Variants in GABRG3 observed in about 807,000 individuals in gnomAD.
GABRG3 encodes gamma-aminobutyric acid receptor subunit gamma-3.
Under a neutral mutation model 48.8 loss-of-function variants are expected in GABRG3, and 25 were observed. That is an observed-to-expected ratio of 0.51 (90% CI 0.37 to 0.72). The LOEUF (loss-of-function observed/expected upper bound fraction) is 0.72, where lower values mean the gene tolerates loss of function less well. GABRG3 is among the 30% of genes least tolerant of loss of function. GABRG3 has a pLI of 0.00. For missense variants in GABRG3, 394 were observed against 577.9 expected (o/e 0.68, Z 3.26); for synonymous variants, 227 against 217.6 (o/e 1.04, Z -0.38).
At chr15:27,089,057 C>T (rs1449504931) in intron 3 of GABRG3, among the ~76,000 whole-genome samples, 2 of 152,080 alleles carry the variant, frequency 1.3e-5, no homozygotes, top group Non-Finnish European at 2.9e-5. Context: ...AGCAGAATGT[C>T]GGTTCTTAAG....
Position 27,179,684 on chromosome 15 carries a change from A to G in GABRG3, c.271-147125A>G, listed in dbSNP as rs1303427696. Among the ~76,000 whole-genome samples, 1 of 152,190 alleles carries G rather than the reference A, an allele frequency of 6.6e-6. No individual in the cohort carries two copies. On this transcript the variant is annotated intron_variant, in intron 3 of 9. Coordinates refer to ENST00000615808, the MANE Select transcript of GABRG3 (RefSeq NM_033223.5). This position sits in a 1 kb window ranked among gnomAD's most constrained non-coding sequence, Gnocchi z 4.0. ...GGGGGTCCATTCATCTTGTATCTTCAGAAGTTTTGTTTGATTCTCTATTTG... is the reference window on the plus strand; with the variant it reads ...GGGGGTCCATTCATCTTGTATCTTCGGAAGTTTTGTTTGATTCTCTATTTG...
chr15:27,209,987 C>T (rs1028400865), intron 3 of GABRG3, among the ~76,000 whole-genome samples: 1 of 152,194 alleles, frequency 6.6e-6, no homozygotes, highest in African/African-American at 2.4e-5. Context: ...TCAGGGCCCA[C>T]CCTGATGACC....
chr15:27,214,710 G>A (rs1435168348), intron 3 of GABRG3, among the ~76,000 whole-genome samples: 1 of 108,288 alleles, frequency 9.2e-6, no homozygotes, highest in African/African-American at 3.9e-5. Context: ...TTTTTTTTTT[G>A]GTAGGAAGCT....
intron 2 of GABRG3, among the ~76,000 whole-genome samples, chr15:27,012,534 T>C (rs895877217): frequency 6.6e-6 from 1 of 152,176 alleles, no homozygotes; most frequent in African/African-American, 2.4e-5. Flanking sequence ...GCATTATATA[T>C]GTATTCTCTT....
intron 3 of GABRG3, among the ~76,000 whole-genome samples, chr15:27,317,633 G>A (rs1380385507): frequency 6.6e-6 from 1 of 152,166 alleles, no homozygotes; most frequent in Non-Finnish European, 1.5e-5. Context: ...TCAGTCTGAG[G>A]GTAAAACGTG....
At chr15:27,417,455 G>C (rs1209947938) in intron 5 of GABRG3, among the ~76,000 whole-genome samples, 1 of 152,090 alleles carries the variant, frequency 6.6e-6, no homozygotes, top group Admixed American at 6.5e-5. Context: ...AGCTTTGGCT[G>C]GGTGCTGGGT....
intron 2 of GABRG3, among the ~76,000 whole-genome samples, chr15:26,977,885 T>C (rs1257331211): frequency 6.6e-6 from 1 of 152,220 alleles, no homozygotes; most frequent in Non-Finnish European, 1.5e-5. Context: ...TTTAATTGCT[T>C]AAGGAACCGT....
chr15:27,303,708 CAT>C (rs1430124141), intron 3 of GABRG3, among the ~76,000 whole-genome samples: 3 of 150,248 alleles, frequency 2.0e-5, no homozygotes, highest in African/African-American at 4.9e-5. Flanking sequence ...TATATATATC[CAT>C]GTGTGTGGAT....
intron 7 of GABRG3, among the ~76,000 whole-genome samples, chr15:27,524,843 G>A (rs1321073677): frequency 6.6e-6 from 1 of 151,954 alleles, no homozygotes; most frequent in African/African-American, 2.4e-5. Flanking sequence ...TATAAAATGG[G>A]ATAGTTACAT....
At chr15:26,988,890 G>C (rs563228245) in intron 2 of GABRG3, among the ~76,000 whole-genome samples, 1 of 151,920 alleles carries the variant, frequency 6.6e-6, no homozygotes. Flanking sequence ...TTTTTATTTT[G>C]CCTGTGTGAA....
At chr15:27,159,662 A>C (rs1246895729) in intron 3 of GABRG3, among the ~76,000 whole-genome samples, 1 of 151,940 alleles carries the variant, frequency 6.6e-6, no homozygotes, top group Non-Finnish European at 1.5e-5. Flanking sequence ...CCTGTCTTAC[A>C]CTCTACCCAT....
chr15:27,523,438 G>T (rs183379725), intron 7 of GABRG3, among the ~76,000 whole-genome samples: 1 of 151,612 alleles, frequency 6.6e-6, no homozygotes, highest in East Asian at 1.9e-4. Flanking sequence ...CTACTTTAAA[G>T]ATTTTCTATA....
chr15:27,304,794 C>T (rs1019810906), intron 3 of GABRG3, among the ~76,000 whole-genome samples: 5 of 151,898 alleles, frequency 3.3e-5, no homozygotes, highest in African/African-American at 4.8e-5. Context: ...ATAATGTATT[C>T]AGATTCCAGG....
At chr15:27,141,918 C>T (rs1898111093) in intron 3 of GABRG3, among the ~76,000 whole-genome samples, 1 of 152,054 alleles carries the variant, frequency 6.6e-6, no homozygotes, top group South Asian at 2.1e-4. Context: ...TTTGCCATTG[C>T]TTTCTGTCTT....
At chr15:27,150,903 G>A (rs1442666552) in intron 3 of GABRG3, among the ~76,000 whole-genome samples, 1 of 152,182 alleles carries the variant, frequency 6.6e-6, no homozygotes, top group Non-Finnish European at 1.5e-5. Flanking sequence ...TTCAGAGGGA[G>A]GAGTTCAGCA....
intron 3 of GABRG3, among the ~76,000 whole-genome samples, chr15:27,317,748 C>A (rs577439599): frequency 6.6e-6 from 1 of 152,226 alleles, no homozygotes; most frequent in Non-Finnish European, 1.5e-5. Context: ...AAAAATCAAA[C>A]CTTTTGGAGC....
intron 3 of GABRG3, among the ~76,000 whole-genome samples, chr15:27,288,924 T>G (rs1891709450): frequency 6.6e-6 from 1 of 152,206 alleles, no homozygotes; most frequent in Admixed American, 6.5e-5. Flanking sequence ...TTACACTAAC[T>G]TTAGAAGGAT....
At chr15:27,171,940 G>C (rs940944571) in intron 3 of GABRG3, among the ~76,000 whole-genome samples, 1 of 152,152 alleles carries the variant, frequency 6.6e-6, no homozygotes, top group African/African-American at 2.4e-5. Context: ...CATGGTGCTG[G>C]CATCTGGTGA....
chr15:27,388,538 T>C (rs959950983), intron 5 of GABRG3, among the ~76,000 whole-genome samples: 1 of 152,148 alleles, frequency 6.6e-6, no homozygotes, highest in African/African-American at 2.4e-5. Context: ...TTCAGTACCA[T>C]TGATAGCATT....
Sources: allele counts gnomAD v4.1 joint callset (sites outside exome capture counted in the v4.1 genomes callset), GRCh38; gene constraint gnomAD v4.1.1; non-coding constraint Gnocchi (gnomAD v3.1); transcripts MANE v1.5; gene names NCBI Gene and HGNC (gene_info 2026-07-23, HGNC 2026-07-21).